OTOF: variants seen among roughly 807,000 people sequenced by gnomAD.
The protein encoded by OTOF is otoferlin.
A neutral mutation model predicts 236.8 loss-of-function variants in OTOF; 218 were observed. The observed-to-expected ratio is 0.92, with a 90% confidence interval of 0.82 to 1.03. OTOF has a LOEUF of 1.03. Among genes scored for constraint, OTOF ranks in the 50% least tolerant of loss-of-function variants. OTOF has a pLI of 0.00. For synonymous variants in OTOF, 1,041 were observed against 1,072.5 expected (o/e 0.97, Z 0.57); for missense variants, 2,590 against 2,694.4 (o/e 0.96, Z 0.86).
Position 26,470,988 on chromosome 2 carries a change from AG to A in OTOF, c.3894+132del, listed in dbSNP as rs1416459831. 8 of 1,224,496 alleles carry A rather than the reference AG, an allele frequency of 6.5e-6. No individual in the cohort carries two copies. Among genetic ancestry groups the A allele is most frequent in the Non-Finnish European group, 9.6e-6 (8 of 831,686 alleles). 75.9% of individuals were successfully genotyped at this position (1,224,496 alleles called of 1,614,324 possible). A position where few individuals can be genotyped will look rare whatever the true frequency, so the allele number is the denominator to read the frequency against. ...ACCCAGCTCTTTTCCACTGCATCTT[AG>A]GGGAGGTGTGCTGGCCCAAGCATGC... On this transcript the variant is annotated intron_variant, in intron 31 of 46. Coordinates refer to ENST00000272371, the MANE Select transcript of OTOF (RefSeq NM_194248.3). This position sits in a 1 kb window ranked among gnomAD's most constrained non-coding sequence, Gnocchi z 4.3.
At chr2:26,522,996 T>A (rs1046987687) in intron 3 of OTOF, among the ~76,000 whole-genome samples, 1 of 152,228 alleles carries the variant, frequency 6.6e-6, no homozygotes, top group Non-Finnish European at 1.5e-5. Context: ...CCAGCCCAGA[T>A]GGGCCCACAG....
At chr2:26,463,356 C>CA in intron 41 of OTOF, 127 bp downstream of exon 41, 1 of 787,488 alleles carries the variant, frequency 1.3e-6, no homozygotes, top group South Asian at 1.5e-5. Flanking sequence ...TGGCCACACC[C>CA]AGGCCCCAGG....
At chr2:26,478,251 C>T (rs959177674) in intron 18 of OTOF, among the ~76,000 whole-genome samples, 5 of 152,172 alleles carry the variant, frequency 3.3e-5, no homozygotes, top group Non-Finnish European at 5.9e-5. Context: ...TACCCCAGCT[C>T]CTTAGGGGGA....
intron 8 of OTOF, among the ~76,000 whole-genome samples, chr2:26,499,193 A>G: frequency 6.6e-6 from 1 of 152,148 alleles, no homozygotes. Flanking sequence ...GCACATTCAC[A>G]GGGGGGTGAC....
chr2:26,490,215 C>T (rs1018919915), intron 9 of OTOF, among the ~76,000 whole-genome samples: 3 of 152,142 alleles, frequency 2.0e-5, no homozygotes, highest in Admixed American at 1.3e-4. Flanking sequence ...CATATTTTAC[C>T]AAATCTAAAG....
At chr2:26,550,875 G>T (rs1162193430) in intron 1 of OTOF, among the ~76,000 whole-genome samples, 1 of 152,062 alleles carries the variant, frequency 6.6e-6, no homozygotes, top group African/African-American at 2.4e-5. Flanking sequence ...CTCCGTGTTT[G>T]GCTGCGTCCC....
intron 9 of OTOF, among the ~76,000 whole-genome samples, chr2:26,491,676 A>G (rs1415637498): frequency 6.6e-6 from 1 of 152,192 alleles, no homozygotes; most frequent in Non-Finnish European, 1.5e-5. Flanking sequence ...GCGGGGCCAG[A>G]TGCACACACA....
intron 24 of OTOF, 25 bp downstream of exon 24, chr2:26,475,889 C>T (rs752555379): frequency 1.3e-6 from 2 of 1,586,568 alleles, no homozygotes; most frequent in Non-Finnish European, 8.6e-7. Context: ...AAAGCCAGAG[C>T]CACTCCCTCC....
rs1021611244 is a variant in OTOF at position 26,504,475 on chromosome 2, T to C, written c.510-630A>G. 2.8e-4 allele frequency among the ~76,000 whole-genome samples: 42 copies of C among 152,302 alleles called. 1 individual carries two copies. The highest frequency in any genetic ancestry group is 1.0e-3 in the African/African-American group (42 of 41,550). ...TTGGTCCCCATGAAAAAGGGGGAGA[T>C]AGGCCCTTTCCCATCTATCTTCGGT... On this transcript the variant is annotated intron_variant, in intron 5 of 46. Transcript: ENST00000272371.
intron 32 of OTOF, among the ~76,000 whole-genome samples, chr2:26,468,859 A>G (rs1431224591): frequency 6.6e-6 from 1 of 152,194 alleles, no homozygotes; most frequent in Non-Finnish European, 1.5e-5. Context: ...CAATGAGAAC[A>G]CTTGGACACA....
rs771573829 is a variant in OTOF, at chr2:26,484,553, C to T, written c.1126G>A (p.Asp376Asn). 1.9e-5 allele frequency: 31 copies of T among 1,613,888 alleles called. No homozygotes were observed. The highest frequency in any genetic ancestry group is 2.5e-5 in the Non-Finnish European group (30 of 1,179,986). The change falls in exon 12 of 47, where the codon GAC becomes AAC. Residue 376 changes from aspartate to asparagine, a missense_variant. By Grantham distance (23) the Asp-to-Asn change is conservative (BLOSUM62 1). This residue lies in a region of OTOF where 1,379 missense variants were observed against 1,341.6 expected (regional missense o/e 1.03). Coordinates refer to ENST00000272371, the MANE Select transcript of OTOF (RefSeq NM_194248.3). The part of the protein sequence containing the change: ...SSGLKGYVKC[D>N]VAVVGKGDNI... ...TCCCCTTTGCCCACCACGGCAACGT[C>T]ACACTTCACGTAGCCCTTCAGCCCC...
At chr2:26,475,596 CA>C in intron 24 of OTOF, 103 bp from the exon 25 acceptor site, 7 of 1,255,184 alleles carry the variant, frequency 5.6e-6, no homozygotes, top group Non-Finnish European at 8.1e-6. Context: ...AACCTGGGGG[CA>C]GGAGTGACAG....
chr2:26,516,369 T>C, intron 5 of OTOF, 49 bp downstream of exon 5: 1 of 1,560,044 alleles, frequency 6.4e-7, no homozygotes, highest in Non-Finnish European at 8.8e-7. Flanking sequence ...CCAGGTCTCT[T>C]CCCCGTGTCT....
At chr2:26,465,515 C>A (rs1035131381) in intron 38 of OTOF, among the ~76,000 whole-genome samples, 157 bp downstream of exon 38, 1 of 152,198 alleles carries the variant, frequency 6.6e-6, no homozygotes, top group Middle Eastern at 3.2e-3. Flanking sequence ...CAGTCCTGTC[C>A]CCTGAAGACT....
At chr2:26,535,252 A>C (rs1667042442) in intron 2 of OTOF, among the ~76,000 whole-genome samples, 1 of 152,196 alleles carries the variant, frequency 6.6e-6, no homozygotes, top group East Asian at 1.9e-4. Flanking sequence ...TAATCTATGC[A>C]TGAATTCAGA....
chr2:26,479,422 CCCAGGGAGGTGGGAGGG>C, intron 17 of OTOF, 34 bp downstream of exon 17: 1 of 1,608,780 alleles, frequency 6.2e-7, no homozygotes, highest in Non-Finnish European at 8.5e-7. Context: ...GTCTTGGGGG[CCCAGGGAGGTGGGAGGG>C]CCAGGCCACA....
intron 1 of OTOF, among the ~76,000 whole-genome samples, chr2:26,553,649 T>C (rs891050192): frequency 2.0e-5 from 3 of 152,074 alleles, no homozygotes. Context: ...TGGCCTTTGA[T>C]CCTGCCAATG....
At chr2:26,472,387 G>T in intron 30 of OTOF, 132 bp downstream of exon 30, 2 of 1,142,372 alleles carry the variant, frequency 1.8e-6, no homozygotes, top group Admixed American at 3.4e-5. Context: ...ATCAAGCTCA[G>T]CCCCCGACAG....
At chr2:26,549,309 TAAC>T (rs1235827305) in intron 1 of OTOF, among the ~76,000 whole-genome samples, 4 of 152,226 alleles carry the variant, frequency 2.6e-5, no homozygotes, top group South Asian at 2.1e-4. Context: ...TCTCTTGTAA[TAAC>T]AATTTTTTTC....
Sources: gnomAD v4.1 joint callset for allele counts (sites outside exome capture counted in the v4.1 genomes callset) on GRCh38, gnomAD v4.1.1 for gene constraint, gnomAD v4.1.1 regional missense constraint, Gnocchi (gnomAD v3.1) non-coding constraint, MANE v1.5 for transcripts, NCBI Gene and HGNC (gene_info 2026-07-23, HGNC 2026-07-21) for gene names.